The following ZNF827 variants were observed in gnomAD, a reference collection of about 807,000 sequenced individuals.
ZNF827 encodes zinc finger protein 827.
In ZNF827, 13 loss-of-function variants were observed where a neutral mutation model predicts 102.4. That is an observed-to-expected ratio of 0.13 (90% CI 0.08 to 0.20). ZNF827 has a LOEUF of 0.20. ZNF827 is among the 10% of genes least tolerant of loss of function. The pLI is 1.00. For synonymous variants in ZNF827, 523 were observed against 536.2 expected (o/e 0.98, Z 0.34); for missense variants, 1,103 against 1,344.4 (o/e 0.82, Z 2.81).
chr4:145,884,866 T>A lies in ZNF827; in HGVS notation c.1747+812A>T, dbSNP rs1020769342. Among the ~76,000 whole-genome samples the A allele has an allele frequency of 4.5e-4, 69 of 152,328 alleles. 1 individual carries two copies. The highest frequency in any genetic ancestry group is 3.4e-3 in the Middle Eastern group (1 of 294). On this transcript the variant is annotated intron_variant, in intron 4 of 14. Transcript: ENST00000508784. ...GTTTTTTTAAAAAAAGAATTTTTTT[T>A]AAAAATGTGTTTTTAAATTCCACTT...
chr4:145,925,497 G>A (rs545032691), intron 1 of ZNF827, among the ~76,000 whole-genome samples: 4 of 152,262 alleles, frequency 2.6e-5, no homozygotes, highest in Admixed American at 2.6e-4. Flanking sequence ...ATTATTTCGT[G>A]TCAACATTTG....
Position 145,816,292 on chromosome 4 carries a change from T to C in ZNF827, c.2383+7130A>G, listed in dbSNP as rs1290084258. Among the ~76,000 whole-genome samples the C allele has an allele frequency of 2.6e-5, 4 of 152,346 alleles. No individual in the cohort carries two copies. In the East Asian group the frequency reaches 7.7e-4, roughly 29 times the overall value. On this transcript the variant is annotated intron_variant, in intron 8 of 14. Coordinates refer to ENST00000508784, the MANE Select transcript of ZNF827 (RefSeq NM_001306215.2). Reference sequence around the variant, plus strand: ...CCTATCTGGGCAGACTCAAACCATATGGGCAGAGATAAAGGGGCGTGGCCA... The same window carrying C: ...CCTATCTGGGCAGACTCAAACCATACGGGCAGAGATAAAGGGGCGTGGCCA...
intron 5 of ZNF827, among the ~76,000 whole-genome samples, chr4:145,867,759 A>G (rs1748332647): frequency 6.6e-6 from 1 of 152,192 alleles, no homozygotes; most frequent in Admixed American, 6.5e-5. Context: ...GCAGGAAGCA[A>G]TAGGAACTCC....
chr4:145,908,432 C>G (rs1199097267), intron 1 of ZNF827, among the ~76,000 whole-genome samples: 1 of 152,196 alleles, frequency 6.6e-6, no homozygotes, highest in Non-Finnish European at 1.5e-5. Context: ...GGTATGTTCA[C>G]CTGGTACCTA....
At chr4:145,904,118 G>A (rs1372185395) in intron 1 of ZNF827, among the ~76,000 whole-genome samples, 1 of 152,088 alleles carries the variant, frequency 6.6e-6, no homozygotes, top group Non-Finnish European at 1.5e-5. Flanking sequence ...GCCATTCTAG[G>A]GGCATTCATG....
At chr4:145,814,981 A>G (rs1478882571) in intron 8 of ZNF827, among the ~76,000 whole-genome samples, 5 of 151,978 alleles carry the variant, frequency 3.3e-5, no homozygotes, top group Non-Finnish European at 7.4e-5. Flanking sequence ...ATTGCACCCA[A>G]ATTTGTCTCA....
At position 145,758,089 on chromosome 4, in the gene ZNF827, G is replaced by T. The variant is rs1253773512; in HGVS notation, c.*3527C>A. The T allele has an allele frequency of 6.6e-6, 1 of 152,246 alleles. No homozygotes were observed. Among genetic ancestry groups the T allele is most frequent in the South Asian group, 2.1e-4 (1 of 4,818 alleles). The allele number at this position is 152,246 out of a possible 1,614,324, so 9.4% of individuals were successfully genotyped here. The stretch of plus-strand genomic sequence containing the variant: ...TCTAGGGTGGAGTCTGAAAAATGCT[G>T]TAGATTTTTTTCTTTATTAATAACA... On this transcript the variant is annotated 3_prime_UTR_variant, in exon 15 of 15. Transcript: ENST00000508784.
At chr4:145,833,056 AT>A (rs1744409441) in intron 7 of ZNF827, 1 of 195,386 alleles carries the variant, frequency 5.1e-6, no homozygotes, top group Admixed American at 6.1e-5. Flanking sequence ...TGGGAGATCA[AT>A]CCCCTGTCCT....
At chr4:145,852,490 C>T (rs1390306343) in intron 5 of ZNF827, among the ~76,000 whole-genome samples, 1 of 152,210 alleles carries the variant, frequency 6.6e-6, no homozygotes, top group East Asian at 1.9e-4. Flanking sequence ...GAGGAGTTTT[C>T]AAACTAACAT....
At chr4:145,885,647 A>C (rs755253782) in intron 4 of ZNF827, 31 bp downstream of exon 4, 3 of 1,494,966 alleles carry the variant, frequency 2.0e-6, no homozygotes, top group Non-Finnish European at 1.8e-6. Context: ...AGAGAGAGAG[A>C]GAGAGAGAGA....
intron 11 of ZNF827, among the ~76,000 whole-genome samples, chr4:145,766,841 A>G (rs1354906733): frequency 6.6e-6 from 1 of 152,206 alleles, no homozygotes; most frequent in Non-Finnish European, 1.5e-5. Context: ...GAAAACTAAG[A>G]AAGGTCTCTT....
intron 7 of ZNF827, among the ~76,000 whole-genome samples, chr4:145,826,439 G>C (rs1271113712): frequency 6.6e-6 from 1 of 152,188 alleles, no homozygotes; most frequent in African/African-American, 2.4e-5. Flanking sequence ...AGAACCCTAT[G>C]AGAGTAGCCA....
intron 1 of ZNF827, among the ~76,000 whole-genome samples, chr4:145,915,548 G>A (rs1255348573): frequency 6.6e-6 from 1 of 152,020 alleles, no homozygotes; most frequent in African/African-American, 2.4e-5. Flanking sequence ...CCTCTTAAAG[G>A]TTCCACCTCT....
intron 1 of ZNF827, among the ~76,000 whole-genome samples, chr4:145,926,238 A>G (rs1030035192): frequency 2.6e-5 from 4 of 152,220 alleles, no homozygotes; most frequent in African/African-American, 4.8e-5. Flanking sequence ...TAGGATGAAT[A>G]ACAATTTACT....
Position 145,902,391 on chromosome 4 carries a change from G to A in ZNF827, c.868C>T (p.Leu290Phe), listed in dbSNP as rs972773574. The change falls in exon 2 of 15, where the codon CTT (leucine) becomes TTT (phenylalanine). Residue 290 changes from leucine (L) to phenylalanine (F), a missense_variant. Physicochemically the swap from Leu to Phe is conservative, Grantham distance 22 (BLOSUM62 0). Transcript: ENST00000508784. This position sits in a 1 kb window ranked among gnomAD's most constrained non-coding sequence, Gnocchi z 4.3. Reference sequence around the variant, plus strand: ...GCCCTTGCGGCCACCTCCTTCAGAAGGGCCGCTGAGGAGGTCATAGAAGCC... The same window carrying A: ...GCCCTTGCGGCCACCTCCTTCAGAAAGGCCGCTGAGGAGGTCATAGAAGCC... Reference protein sequence around the residue: ...SLASMTSSAALLKEVAARAAG... With the variant: ...SLASMTSSAAFLKEVAARAAG... The A allele has an allele frequency of 4.3e-6, 7 of 1,613,698 alleles. No individual in the cohort carries two copies. The African/African-American group carries it at 5.3e-5, about 12-fold the overall frequency.
intron 3 of ZNF827, among the ~76,000 whole-genome samples, chr4:145,886,982 T>A (rs1228108860): frequency 9.9e-5 from 15 of 152,278 alleles, no homozygotes; most frequent in African/African-American, 2.9e-4. Flanking sequence ...AATCATTGCA[T>A]TGGCCTGAGC....
At chr4:145,853,261 G>C (rs1746714838) in intron 5 of ZNF827, among the ~76,000 whole-genome samples, 1 of 152,152 alleles carries the variant, frequency 6.6e-6, no homozygotes, top group Admixed American at 6.5e-5. Flanking sequence ...CATAACAACG[G>C]TTGAATTAAT....
intron 2 of ZNF827, among the ~76,000 whole-genome samples, chr4:145,896,649 T>C (rs1020642927): frequency 3.9e-5 from 6 of 152,220 alleles, no homozygotes; most frequent in African/African-American, 1.4e-4. Context: ...TAAGTCCCAA[T>C]GGAACTTGTG....
At chr4:145,826,274 A>G (rs1404531471) in intron 7 of ZNF827, among the ~76,000 whole-genome samples, 7 of 152,222 alleles carry the variant, frequency 4.6e-5, no homozygotes, top group Non-Finnish European at 1.0e-4. Flanking sequence ...TAACAACGCC[A>G]TCTTTTAGAG....
Sources: allele counts gnomAD v4.1 joint callset (sites outside exome capture counted in the v4.1 genomes callset), GRCh38; gene constraint gnomAD v4.1.1; non-coding constraint Gnocchi (gnomAD v3.1); transcripts MANE v1.5; gene names NCBI Gene and HGNC (gene_info 2026-07-23, HGNC 2026-07-21).